Variants in ZFAND3 observed in about 807,000 individuals in gnomAD.
ZFAND3 encodes the protein zinc finger AN1-type containing 3.
Under a neutral mutation model 29.6 loss-of-function variants are expected in ZFAND3, and 10 were observed. That is an observed-to-expected ratio of 0.34 (90% CI 0.21 to 0.57). The LOEUF is 0.57. Ranked by LOEUF, ZFAND3 falls within the 20% of genes least tolerant of loss-of-function variation. The probability of loss-of-function intolerance (pLI) is 0.86; values close to 1 mark genes in which losing one functional copy is unlikely to be tolerated. For missense variants in ZFAND3, 230 were observed against 304.5 expected, an observed-to-expected ratio of 0.76 and a Z score of 1.82; for synonymous variants, 128 against 112.6, an observed-to-expected ratio of 1.14 and a Z score of -0.87.
chr6:37,876,172 A>G (rs1231168073), intron 1 of ZFAND3, among the ~76,000 whole-genome samples: 2 of 152,210 alleles, frequency 1.3e-5, no homozygotes, highest in African/African-American at 2.4e-5. Context: ...GTTATTTTAA[A>G]TTGAGTTAAT....
intron 2 of ZFAND3, among the ~76,000 whole-genome samples, chr6:37,981,278 A>G (rs1382578865): frequency 1.3e-5 from 2 of 152,230 alleles, no homozygotes; most frequent in Non-Finnish European, 2.9e-5. Context: ...TTAAACAAAA[A>G]CTACAACATG....
chr6:38,000,577 G>A (rs778046182), intron 2 of ZFAND3, among the ~76,000 whole-genome samples: 8 of 152,088 alleles, frequency 5.3e-5, no homozygotes, highest in Non-Finnish European at 1.0e-4. Context: ...GATCTCATGA[G>A]ACTTAACTTA....
chr6:37,895,328 C>T (rs1040295662), intron 1 of ZFAND3, among the ~76,000 whole-genome samples: 1 of 151,336 alleles, frequency 6.6e-6, no homozygotes, highest in South Asian at 2.1e-4. Context: ...AGTTCTATTA[C>T]GTTCTTTTTC....
intron 1 of ZFAND3, among the ~76,000 whole-genome samples, chr6:37,861,827 G>T (rs1355700279): frequency 6.6e-6 from 1 of 152,110 alleles, no homozygotes; most frequent in African/African-American, 2.4e-5. Flanking sequence ...TGGATAACTG[G>T]AGCTTTATTC....
chr6:37,973,645 C>G (rs562632655), intron 2 of ZFAND3, among the ~76,000 whole-genome samples: 4 of 152,332 alleles, frequency 2.6e-5, no homozygotes, highest in African/African-American at 9.6e-5. Flanking sequence ...GATAGCACAG[C>G]TCTGAAGCAT....
At chr6:38,074,820 T>G (rs1054947175) in intron 3 of ZFAND3, among the ~76,000 whole-genome samples, 14 of 152,226 alleles carry the variant, frequency 9.2e-5, no homozygotes, top group Admixed American at 3.9e-4. Flanking sequence ...AGCTGGTGAC[T>G]TTAAGTGGAA....
At chr6:38,123,714 C>T (rs541713301) in intron 5 of ZFAND3, among the ~76,000 whole-genome samples, 1 of 152,082 alleles carries the variant, frequency 6.6e-6, no homozygotes, top group South Asian at 2.1e-4. Context: ...AGCTGCGGAC[C>T]CTTGCGGTGA....
At chr6:38,023,576 C>CT (rs1763390226) in intron 2 of ZFAND3, among the ~76,000 whole-genome samples, 1 of 152,174 alleles carries the variant, frequency 6.6e-6, no homozygotes, top group South Asian at 2.1e-4. Context: ...CTAGAATGTC[C>CT]TGCCTCTAAG....
intron 1 of ZFAND3, among the ~76,000 whole-genome samples, chr6:37,912,237 C>T (rs10046397): frequency 0.029 from 4,435 of 152,102 alleles, 171 homozygotes; most frequent in African/African-American, 0.085. Context: ...TTCTGTCAGT[C>T]GGATCCTGAT....
At chr6:38,112,912 A>T (rs1376208570) in intron 4 of ZFAND3, among the ~76,000 whole-genome samples, 1 of 152,224 alleles carries the variant, frequency 6.6e-6, no homozygotes, top group South Asian at 2.1e-4. Context: ...TAAAACACTA[A>T]GTTGACTTGT....
intron 5 of ZFAND3, among the ~76,000 whole-genome samples, chr6:38,150,774 G>A (rs1336671863): frequency 1.3e-5 from 2 of 152,164 alleles, no homozygotes; most frequent in Admixed American, 6.5e-5. Context: ...TTAAAAGAAA[G>A]AAGTCTGAAA....
At chr6:37,994,823 C>G (rs139422421) in intron 2 of ZFAND3, among the ~76,000 whole-genome samples, 80 of 152,272 alleles carry the variant, frequency 5.3e-4, no homozygotes, top group Middle Eastern at 3.4e-3. Flanking sequence ...GTTTTGTAAA[C>G]AAACATTCAT....
At chr6:38,100,935 A>G (rs1765080596) in intron 4 of ZFAND3, among the ~76,000 whole-genome samples, 1 of 152,222 alleles carries the variant, frequency 6.6e-6, no homozygotes, top group Non-Finnish European at 1.5e-5. Context: ...CGCAGACATG[A>G]CACCCTTTTA....
At position 38,010,599 on chromosome 6, in the gene ZFAND3, C is replaced by CT. The variant is rs759693005; in HGVS notation, c.113-50978dup. Among the ~76,000 whole-genome samples the CT allele has an allele frequency of 7.6e-3, 1,055 of 139,286 alleles. 6 individuals are homozygous for CT. The highest frequency in any genetic ancestry group is 0.014 in the African/African-American group (538 of 38,200). 91.4% of individuals were successfully genotyped at this position (139,286 alleles called of 152,430 possible). A position where few individuals can be genotyped will look rare whatever the true frequency, so the allele number is the denominator to read the frequency against. On this transcript the variant is annotated intron_variant, in intron 2 of 5. Coordinates refer to ENST00000287218, the MANE Select transcript of ZFAND3 (RefSeq NM_021943.3). ...ATCATTTTGCTTTTACGCCCCCAAC[C>CT]TTTTTTTTTTTTTTTTCCGAGACAG... is the stretch of plus-strand genomic sequence containing the variant.
chr6:37,865,924 T>TA (rs1764581503), intron 1 of ZFAND3, among the ~76,000 whole-genome samples: 1 of 152,210 alleles, frequency 6.6e-6, no homozygotes. Flanking sequence ...CCTGCATCTT[T>TA]AGCTGCTTTA....
At chr6:37,933,836 TTA>T in intron 2 of ZFAND3, among the ~76,000 whole-genome samples, 1 of 152,242 alleles carries the variant, frequency 6.6e-6, no homozygotes, top group East Asian at 1.9e-4. Context: ...TCTGTTACCT[TTA>T]AAGGCTAAAA....
chr6:38,039,649 A>ATAAATGTAAAATTTATGTAAATTTATGT, intron 2 of ZFAND3, among the ~76,000 whole-genome samples: 1 of 152,212 alleles, frequency 6.6e-6, no homozygotes, highest in African/African-American at 2.4e-5. Context: ...GTAAATTTTA[A>ATAAATGTAAAATTTATGTAAATTTATGT]AAATCAGTAC....
chr6:37,930,695 T>C (rs1016273577), intron 2 of ZFAND3, among the ~76,000 whole-genome samples: 1 of 152,250 alleles, frequency 6.6e-6, no homozygotes, highest in Admixed American at 6.5e-5. Flanking sequence ...TCTGGAATTA[T>C]GACTCCTTCA....
At chr6:38,060,972 A>G (rs1376866504) in intron 2 of ZFAND3, among the ~76,000 whole-genome samples, 1 of 152,148 alleles carries the variant, frequency 6.6e-6, no homozygotes, top group African/African-American at 2.4e-5. Flanking sequence ...GTTGAAAAAA[A>G]TCCACGTGCA....
Sources: gnomAD v4.1 joint callset for allele counts (sites outside exome capture counted in the v4.1 genomes callset) on GRCh38, gnomAD v4.1.1 for gene constraint, MANE v1.5 for transcripts, NCBI Gene and HGNC (gene_info 2026-07-23, HGNC 2026-07-21) for gene names.